The following C16orf74 variants were observed in gnomAD, a reference collection of about 807,000 sequenced individuals.
The protein encoded by C16orf74 is uncharacterized protein C16orf74.
A neutral mutation model predicts 6.5 loss-of-function variants in C16orf74; 10 were observed. That is an observed-to-expected ratio of 1.54 (90% CI 0.95 to 2.61). The LOEUF (loss-of-function observed/expected upper bound fraction) is 2.61. Among genes scored for constraint, C16orf74 ranks in the 30% most tolerant of loss-of-function variants. The pLI, the probability that C16orf74 is intolerant of heterozygous loss-of-function variation, is 0.00. For synonymous variants in C16orf74, 60 were observed against 42.5 expected (o/e 1.41, Z -1.60); for missense variants, 141 against 105.9 (o/e 1.33, Z -1.45).
At position 85,735,297 on chromosome 16, in the gene C16orf74, C is replaced by G. The variant is rs2054232225; in HGVS notation, c.-18-62G>C. 3.5e-5 allele frequency: 45 copies of G among 1,281,248 alleles called. No homozygotes were observed. In the East Asian group the frequency reaches 1.2e-3, roughly 34 times the overall value. The allele number at this position is 1,281,248 out of a possible 1,614,324, so 79.4% of individuals were successfully genotyped here. ...GCGACTTGTTTGTATTGGCCACGTGCAGCCGGGCCCCCACCCTTGGCCCTG... is the reference window on the plus strand; with the variant it reads ...GCGACTTGTTTGTATTGGCCACGTGGAGCCGGGCCCCCACCCTTGGCCCTG... On this transcript the variant is annotated intron_variant, in intron 1 of 3. Coordinates refer to ENST00000284245, the MANE Select transcript of C16orf74 (RefSeq NM_206967.3).
intron 1 of C16orf74, among the ~76,000 whole-genome samples, chr16:85,735,603 G>C (rs907945643): frequency 2.0e-5 from 3 of 152,106 alleles, no homozygotes; most frequent in African/African-American, 7.2e-5. Flanking sequence ...GACGGCCGCA[G>C]CTGCAGAGAT....
chr16:85,712,716 G>A (rs539280014), intron 2 of C16orf74, among the ~76,000 whole-genome samples: 104 of 152,326 alleles, frequency 6.8e-4, no homozygotes, highest in African/African-American at 1.9e-3. Context: ...GTGACCCTGC[G>A]TGCACTGCAC....
At chr16:85,740,224 AAAAAAAG>A (rs1412288630) in intron 1 of C16orf74, among the ~76,000 whole-genome samples, 9 of 150,312 alleles carry the variant, frequency 6.0e-5, no homozygotes, top group Admixed American at 3.3e-4. Context: ...AAAAAAAAAA[AAAAAAAG>A]AAAAAGAAAT....
intron 2 of C16orf74, among the ~76,000 whole-genome samples, chr16:85,729,005 T>A (rs1221800837): frequency 6.6e-6 from 1 of 152,176 alleles, no homozygotes; most frequent in Non-Finnish European, 1.5e-5. Context: ...TCCTAAGTGA[T>A]GCCTATACAG....
chr16:85,733,880 G>T (rs1003792850), intron 2 of C16orf74, among the ~76,000 whole-genome samples: 3 of 152,164 alleles, frequency 2.0e-5, no homozygotes, highest in Non-Finnish European at 4.4e-5. Context: ...CTCTCCGCAA[G>T]CGGTGTTGGA....
At chr16:85,749,194 C>G (rs747669920) in intron 1 of C16orf74, among the ~76,000 whole-genome samples, 1 of 152,166 alleles carries the variant, frequency 6.6e-6, no homozygotes, top group Non-Finnish European at 1.5e-5. Flanking sequence ...GCTCAGGGTT[C>G]CAGGCCTGGC....
intron 2 of C16orf74, among the ~76,000 whole-genome samples, chr16:85,727,964 CAAAAAA>C (rs59377902): frequency 2.6e-5 from 2 of 75,794 alleles, no homozygotes; most frequent in East Asian, 4.9e-4. Flanking sequence ...CCCTTCTCTA[CAAAAAA>C]AAAAAAAAAA....
intron 1 of C16orf74, among the ~76,000 whole-genome samples, chr16:85,744,647 G>A (rs527303464): frequency 1.3e-4 from 20 of 151,830 alleles, no homozygotes; most frequent in South Asian, 4.2e-4. Context: ...TGGCTAACAC[G>A]GTGAAACCCT....
intron 2 of C16orf74, among the ~76,000 whole-genome samples, chr16:85,727,964 CAA>C (rs59377902): frequency 0.37 from 27,599 of 75,340 alleles, 2,175 homozygotes; most frequent in Middle Eastern, 0.43. Context: ...CCCTTCTCTA[CAA>C]AAAAAAAAAA....
At chr16:85,723,995 T>C (rs1205056081) in intron 2 of C16orf74, among the ~76,000 whole-genome samples, 1 of 144,348 alleles carries the variant, frequency 6.9e-6, no homozygotes, top group Non-Finnish European at 1.6e-5. Flanking sequence ...TGCCCTAACT[T>C]CCTTCGATTT....
Position 85,717,741 on chromosome 16 carries a change from A to G in C16orf74, c.29-7434T>C, listed in dbSNP as rs74034060. ...ACACTAGGATCACGCCCATGCTACA[A>G]AGGAGAACACTGAGCTTTGGAGAAG... On this transcript the variant is annotated intron_variant, in intron 2 of 3. Transcript: ENST00000284245. Among the ~76,000 whole-genome samples, 1,307 of 152,334 alleles carry G rather than the reference A, an allele frequency of 8.6e-3. 6 individuals are homozygous for G. The highest frequency in any genetic ancestry group is 0.013 in the South Asian group (64 of 4,826).
chr16:85,731,941 T>G lies in C16orf74; in HGVS notation c.28+3249A>C, dbSNP rs117950344. Among the ~76,000 whole-genome samples, 430 of 152,334 alleles carry G rather than the reference T, an allele frequency of 2.8e-3. 1 individual carries two copies. The highest frequency in any genetic ancestry group is 6.8e-3 in the Middle Eastern group (2 of 294). ...CCTGGGCTCAAGAGATCCTCCTGCC[T>G]CAGTTTCCCAAAGTGTTGGGACTAC... On this transcript the variant is annotated intron_variant, in intron 2 of 3. Transcript: ENST00000284245.
chr16:85,750,162 T>A (rs4843678), intron 1 of C16orf74, among the ~76,000 whole-genome samples: 64,532 of 151,898 alleles, frequency 0.42, 14,490 homozygotes, highest in East Asian at 0.74. Context: ...ACCTCACAAG[T>A]GCCTTTGCCT....
chr16:85,745,517 C>G lies in C16orf74; in HGVS notation c.-19+5409G>C, dbSNP rs2054363791. Among the ~76,000 whole-genome samples, 3 of 152,252 alleles carry G rather than the reference C, an allele frequency of 2.0e-5. No individual in the cohort carries two copies. The South Asian group carries it at 6.2e-4, about 32-fold the overall frequency. On this transcript the variant is annotated intron_variant, in intron 1 of 3. Coordinates refer to ENST00000284245, the MANE Select transcript of C16orf74 (RefSeq NM_206967.3). Reference sequence around the variant, plus strand: ...TTCATAAAGTCAAAAGCAACCAAGACATAGCACTGACTGTGAGGGACAGAA... The same window carrying G: ...TTCATAAAGTCAAAAGCAACCAAGAGATAGCACTGACTGTGAGGGACAGAA...
At chr16:85,716,076 C>T (rs140900159) in intron 2 of C16orf74, among the ~76,000 whole-genome samples, 250 of 152,266 alleles carry the variant, frequency 1.6e-3, no homozygotes, top group Non-Finnish European at 2.8e-3. Context: ...AGCTTCCCTG[C>T]TCAGTCTCCA....
chr16:85,723,664 T>C (rs546284518), intron 2 of C16orf74, among the ~76,000 whole-genome samples: 2 of 152,270 alleles, frequency 1.3e-5, no homozygotes, highest in Admixed American at 1.3e-4. Context: ...TCTGAGTGGA[T>C]GGTAGAAGGA....
intron 1 of C16orf74, among the ~76,000 whole-genome samples, chr16:85,742,607 T>C (rs887188738): frequency 6.6e-6 from 1 of 152,092 alleles, no homozygotes; most frequent in Non-Finnish European, 1.5e-5. Flanking sequence ...AATGGTGCGA[T>C]CTCGGCTCAC....
chr16:85,723,185 A>G (rs541695488), intron 2 of C16orf74, among the ~76,000 whole-genome samples: 3 of 148,360 alleles, frequency 2.0e-5, no homozygotes, highest in African/African-American at 7.5e-5. Flanking sequence ...ACTTGAACCC[A>G]GGAGGTGGAG....
At chr16:85,726,381 A>G (rs965434249) in intron 2 of C16orf74, among the ~76,000 whole-genome samples, 1 of 152,138 alleles carries the variant, frequency 6.6e-6, no homozygotes, top group Non-Finnish European at 1.5e-5. Flanking sequence ...TCTGTCCCGC[A>G]CTGGAAGGGA....
Sources: gnomAD v4.1 joint callset for allele counts (sites outside exome capture counted in the v4.1 genomes callset) on GRCh38, gnomAD v4.1.1 for gene constraint, MANE v1.5 for transcripts, NCBI Gene and HGNC (gene_info 2026-07-23, HGNC 2026-07-21) for gene names.